The following SLC35F4 variants were observed in gnomAD, a reference collection of about 807,000 sequenced individuals.
The protein encoded by SLC35F4 is solute carrier family 35 member F4.
Under a neutral mutation model 44.2 loss-of-function variants are expected in SLC35F4, and 24 were observed. That is an observed-to-expected ratio of 0.54 (90% CI 0.39 to 0.76). The LOEUF (loss-of-function observed/expected upper bound fraction) is 0.76. Ranked by LOEUF, SLC35F4 falls within the 30% of genes least tolerant of loss-of-function variation. The pLI, the probability that SLC35F4 is intolerant of heterozygous loss-of-function variation, is 0.00. For missense variants in SLC35F4, 562 were observed against 586.1 expected (o/e 0.96, Z 0.42); for synonymous variants, 238 against 223.6 (o/e 1.06, Z -0.57).
rs536196365 is a variant in SLC35F4, at chr14:57,713,733, G to A, written c.104-119609C>T. 1.1e-4 allele frequency among the ~76,000 whole-genome samples: 17 copies of A among 152,182 alleles called. 1 individual carries two copies. The highest frequency in any genetic ancestry group is 5.9e-4 in the Admixed American group (9 of 15,284). On this transcript the variant is annotated intron_variant, in intron 1 of 7. Transcript: ENST00000556826. Reference sequence around the variant, plus strand: ...TAGCCTGGTATCTGACCTAGGGTACGTGCTCAATGAATGGACGGAGGGGGT... The same window carrying A: ...TAGCCTGGTATCTGACCTAGGGTACATGCTCAATGAATGGACGGAGGGGGT...
chr14:57,663,014 G>A (rs1421678009), intron 1 of SLC35F4, among the ~76,000 whole-genome samples: 5 of 152,140 alleles, frequency 3.3e-5, no homozygotes, highest in South Asian at 2.1e-4. Flanking sequence ...GCTTTTTCCT[G>A]TAAATCACTT....
intron 1 of SLC35F4, among the ~76,000 whole-genome samples, chr14:57,791,939 G>C (rs1207342641): frequency 6.8e-6 from 1 of 146,148 alleles, no homozygotes; most frequent in East Asian, 2.1e-4. Flanking sequence ...ACAGGGAGGG[G>C]AACATCACAC....
chr14:57,581,766 T>C (rs1406058571), intron 3 of SLC35F4, among the ~76,000 whole-genome samples: 1 of 152,200 alleles, frequency 6.6e-6, no homozygotes. Flanking sequence ...TCACTAGCTA[T>C]TGGAAGAGGG....
intron 4 of SLC35F4, among the ~76,000 whole-genome samples, chr14:57,577,013 G>A (rs1262968385): frequency 3.3e-5 from 5 of 152,178 alleles, no homozygotes; most frequent in African/African-American, 1.2e-4. Flanking sequence ...TAAGAGGGAG[G>A]ATGACTCCCA....
In SLC35F4 at chr14:57,863,536, T is replaced by C. The variant is rs190038272; in HGVS notation, c.103+2187A>G. Among the ~76,000 whole-genome samples the C allele has an allele frequency of 2.0e-5, 3 of 152,362 alleles. No homozygotes were observed. The East Asian group carries it at 5.8e-4, about 29-fold the overall frequency. ...TATATTCATCACTGTAGCCTTTTCT[T>C]AAGTATATTTTTCCAGACTTCCCCT... On this transcript the variant is annotated intron_variant, in intron 1 of 7. Coordinates refer to ENST00000556826, the MANE Select transcript of SLC35F4 (RefSeq NM_001306087.2).
intron 1 of SLC35F4, among the ~76,000 whole-genome samples, chr14:57,785,450 C>T (rs2077731913): frequency 6.6e-6 from 1 of 152,164 alleles, no homozygotes; most frequent in Admixed American, 6.5e-5. Flanking sequence ...CAGTTCTGTA[C>T]AGAGCAGTAT....
chr14:57,801,299 T>C (rs1288484483), intron 1 of SLC35F4, among the ~76,000 whole-genome samples: 1 of 152,192 alleles, frequency 6.6e-6, no homozygotes, highest in African/African-American at 2.4e-5. Context: ...ATAAGATCCT[T>C]TTCAGACAAG....
chr14:57,896,334 T>C (rs568552737), intron 1 of SLC35F4, among the ~76,000 whole-genome samples: 2 of 152,320 alleles, frequency 1.3e-5, no homozygotes, highest in East Asian at 1.9e-4. Flanking sequence ...GACATACTTT[T>C]ATGAAGCCAG....
chr14:57,905,615 A>G (rs1215425483), intron 1 of SLC35F4, among the ~76,000 whole-genome samples: 2 of 152,214 alleles, frequency 1.3e-5, no homozygotes, highest in South Asian at 2.1e-4. Context: ...TGAACCTTAG[A>G]GTACTTTTAG....
chr14:57,572,222 C>T (rs1328006255), intron 4 of SLC35F4, among the ~76,000 whole-genome samples: 1 of 152,094 alleles, frequency 6.6e-6, no homozygotes. Context: ...AAAAGCTGTT[C>T]ACATTCTAAT....
intron 1 of SLC35F4, among the ~76,000 whole-genome samples, chr14:57,813,169 A>G (rs905974575): frequency 2.0e-5 from 3 of 152,184 alleles, no homozygotes; most frequent in African/African-American, 4.8e-5. Context: ...CTTCCCACCA[A>G]TTATGCAGTA....
intron 1 of SLC35F4, among the ~76,000 whole-genome samples, chr14:57,803,766 T>A (rs987338572): frequency 2.0e-5 from 3 of 151,890 alleles, no homozygotes; most frequent in African/African-American, 7.3e-5. Context: ...ATTTTTGTAT[T>A]GTTAGTAGTG....
chr14:57,651,492 G>A (rs903608112), intron 1 of SLC35F4, among the ~76,000 whole-genome samples: 5 of 152,074 alleles, frequency 3.3e-5, no homozygotes, highest in African/African-American at 9.7e-5. Flanking sequence ...GGACAGGTGA[G>A]GTACAGCAGC....
At chr14:57,679,502 G>A (rs1447527626) in intron 1 of SLC35F4, among the ~76,000 whole-genome samples, 1 of 152,042 alleles carries the variant, frequency 6.6e-6, no homozygotes, top group Non-Finnish European at 1.5e-5. Flanking sequence ...AAAGCTAGCA[G>A]AAGACAAGAA....
intron 1 of SLC35F4, among the ~76,000 whole-genome samples, chr14:57,857,483 T>C (rs1334617818): frequency 6.6e-6 from 1 of 152,104 alleles, no homozygotes; most frequent in African/African-American, 2.4e-5. Context: ...TACCATCATG[T>C]ACTCTTTCTT....
chr14:57,974,812 T>G (rs552831318), downstream of SLC35F4, among the ~76,000 whole-genome samples: 2 of 152,192 alleles, frequency 1.3e-5, no homozygotes, highest in African/African-American at 2.4e-5. Context: ...ATTTTACATA[T>G]GTAAAAAAGT....
chr14:57,959,352 T>C (rs990874621), intron 1 of SLC35F4, among the ~76,000 whole-genome samples: 3 of 152,150 alleles, frequency 2.0e-5, no homozygotes, highest in Admixed American at 6.5e-5. Flanking sequence ...AAATCTCAAA[T>C]GAAAGCAAAA....
intron 1 of SLC35F4, among the ~76,000 whole-genome samples, chr14:57,656,359 G>C (rs926044636): frequency 7.3e-6 from 1 of 136,332 alleles, no homozygotes; most frequent in African/African-American, 2.7e-5. Flanking sequence ...TGTCCTTAGA[G>C]TATATATATA....
At position 57,585,466 on chromosome 14, in the gene SLC35F4, A is replaced by T. The variant is rs536736303; in HGVS notation, c.587+3750T>A. 2.0e-5 allele frequency among the ~76,000 whole-genome samples: 3 copies of T among 152,330 alleles called. 1 individual carries two copies. The South Asian group carries it at 6.2e-4, about 32-fold the overall frequency. Reference sequence around the variant, plus strand: ...ATGCCATCTCTTACCACTCCTATTCAACATAGTATTGGAAGTTCTGGCCAG... The same window carrying T: ...ATGCCATCTCTTACCACTCCTATTCTACATAGTATTGGAAGTTCTGGCCAG... On this transcript the variant is annotated intron_variant, in intron 3 of 7. Transcript: ENST00000556826.
Sources: allele counts gnomAD v4.1 joint callset (sites outside exome capture counted in the v4.1 genomes callset), GRCh38; gene constraint gnomAD v4.1.1; transcripts MANE v1.5; gene names NCBI Gene and HGNC (gene_info 2026-07-23, HGNC 2026-07-21).